The following DNAH12 variants were observed in gnomAD, a reference collection of about 807,000 sequenced individuals.
DNAH12 encodes the protein dynein axonemal heavy chain 12.
In DNAH12, 285 loss-of-function variants were observed where a neutral mutation model predicts 371.5. The ratio of observed to expected loss-of-function variants is 0.77; its 90% CI spans 0.70 to 0.85. DNAH12 has a LOEUF of 0.85. DNAH12 is among the 40% of genes least tolerant of loss of function. The probability of loss-of-function intolerance (pLI) is 0.00; values close to 1 mark genes in which losing one functional copy is unlikely to be tolerated. For synonymous variants in DNAH12, 1,200 were observed against 1,213.0 expected (o/e 0.99, Z 0.22); for missense variants, 3,611 against 3,689.4 (o/e 0.98, Z 0.55).
At chr3:57,458,980 T>A (rs1356921230) in intron 20 of DNAH12, among the ~76,000 whole-genome samples, 3 of 152,218 alleles carry the variant, frequency 2.0e-5, no homozygotes, top group African/African-American at 7.2e-5. Context: ...TGACTCTCAG[T>A]AAGTCCAGCA....
At chr3:57,531,178 C>T (rs1182399009) in intron 2 of DNAH12, among the ~76,000 whole-genome samples, 2 of 152,058 alleles carry the variant, frequency 1.3e-5, no homozygotes, top group African/African-American at 4.8e-5. Context: ...ATTGAAGTAC[C>T]TTCTTTAGCA....
chr3:57,456,708 C>T (rs965225743), intron 22 of DNAH12, among the ~76,000 whole-genome samples: 3 of 152,138 alleles, frequency 2.0e-5, no homozygotes, highest in Non-Finnish European at 4.4e-5. Context: ...GAAACATATC[C>T]ACTAGCCTAG....
intron 65 of DNAH12, among the ~76,000 whole-genome samples, chr3:57,320,559 C>G (rs932065368): frequency 6.6e-6 from 1 of 152,138 alleles, no homozygotes; most frequent in Admixed American, 6.5e-5. Flanking sequence ...TTAGCCTTAT[C>G]GAAAGGCATT....
upstream of DNAH12, among the ~76,000 whole-genome samples, chr3:57,545,072 C>T (rs2069457761): frequency 1.3e-5 from 2 of 150,020 alleles, no homozygotes; most frequent in South Asian, 2.1e-4. Flanking sequence ...GTCATTTAAG[C>T]GAGTGAATGA....
chr3:57,525,974 G>T (rs1202000177), intron 2 of DNAH12, among the ~76,000 whole-genome samples: 2 of 151,864 alleles, frequency 1.3e-5, no homozygotes, highest in African/African-American at 4.8e-5. Flanking sequence ...TTTTGGCCAG[G>T]CTGGTCTCAA....
intron 69 of DNAH12, among the ~76,000 whole-genome samples, chr3:57,305,159 CT>C (rs977958730): frequency 3.9e-5 from 6 of 152,174 alleles, no homozygotes; most frequent in African/African-American, 1.4e-4. Flanking sequence ...GGCAAACAGT[CT>C]GAGGTGCCTG....
chr3:57,402,404 T>G, intron 43 of DNAH12: 1 of 1,305,064 alleles, frequency 7.7e-7, no homozygotes. Flanking sequence ...CACTATCCTG[T>G]TGGTCACCGG....
chr3:57,413,910 G>A lies in DNAH12; in HGVS notation c.5856C>T (p.Asn1952=). 1 of 1,548,878 alleles carries A rather than the reference G, an allele frequency of 6.5e-7. No homozygotes were observed. Among genetic ancestry groups the A allele is most frequent in the Non-Finnish European group, 8.7e-7 (1 of 1,146,058 alleles). Residue 1952 remains asparagine, a splice_region_variant and synonymous_variant, in exon 39 of 74, where the codon AAC becomes AAT. Coordinates refer to ENST00000495027, the MANE Select transcript of DNAH12 (RefSeq NM_001366028.2). ...TTTTATCCAATCTAGCCATGATAAT[G>A]TTCTAAAATATGAAGGAAGAATGGT... The part of the protein sequence containing the change: ...SARTSANQVQ[N]IIMARLDKRR...
rs960274244 is a variant in DNAH12, at chr3:57,301,725, C to T, written c.11394+10G>A. The T allele has an allele frequency of 5.9e-6, 8 of 1,366,190 alleles. No individual in the cohort carries two copies. The highest frequency in any genetic ancestry group is 1.9e-4 in the Middle Eastern group (1 of 5,240). 84.6% of individuals were successfully genotyped at this position (1,366,190 alleles called of 1,614,324 possible). A position where few individuals can be genotyped will look rare whatever the true frequency, so the allele number is the denominator to read the frequency against. The stretch of plus-strand genomic sequence containing the variant: ...ACACACACACACACACACACACACA[C>T]ACATTTTACCTGTAAAAAGTTCAAC... On this transcript the variant is annotated intron_variant, in intron 70 of 73. Coordinates refer to ENST00000495027, the MANE Select transcript of DNAH12 (RefSeq NM_001366028.2).
At chr3:57,358,263 A>G (rs1263610576) in intron 58 of DNAH12, among the ~76,000 whole-genome samples, 1 of 152,172 alleles carries the variant, frequency 6.6e-6, no homozygotes, top group Non-Finnish European at 1.5e-5. Context: ...TTAGGAGTAA[A>G]AGGTAGTGGG....
At chr3:57,404,132 T>C (rs915911625) in intron 42 of DNAH12, among the ~76,000 whole-genome samples, 1 of 152,198 alleles carries the variant, frequency 6.6e-6, no homozygotes, top group Non-Finnish European at 1.5e-5. Flanking sequence ...TTCTCACACA[T>C]GTACCCAAGG....
chr3:57,375,693 A>G (rs1436158490), intron 54 of DNAH12, 125 bp downstream of exon 54: 1 of 152,128 alleles, frequency 6.6e-6, no homozygotes, highest in Non-Finnish European at 1.5e-5. Context: ...GAAGCAAAAA[A>G]AGAAAGACCC....
intron 60 of DNAH12, among the ~76,000 whole-genome samples, chr3:57,350,258 C>T (rs1177625537): frequency 4.6e-5 from 7 of 152,038 alleles, no homozygotes. Flanking sequence ...TAACCAAACA[C>T]CACCAGTTCC....
chr3:57,470,774 T>G, intron 15 of DNAH12, 138 bp from the exon 16 acceptor site: 1 of 718,384 alleles, frequency 1.4e-6, no homozygotes, highest in East Asian at 3.0e-5. Context: ...TGGCGTGATC[T>G]GGGCTCACTG....
At chr3:57,555,782 T>A in the DNAH12 span, among the ~76,000 whole-genome samples, 6 of 152,350 alleles carry the variant, frequency 3.9e-5, no homozygotes, top group South Asian at 1.2e-3. Flanking sequence ...CCACAAAGGC[T>A]CTGCTCAGAG....
At chr3:57,467,569 G>A (rs567361951) in intron 17 of DNAH12, among the ~76,000 whole-genome samples, 1 of 152,214 alleles carries the variant, frequency 6.6e-6, no homozygotes, top group Non-Finnish European at 1.5e-5. Flanking sequence ...TTTGGATTAT[G>A]CTGAATTAAT....
chr3:57,464,906 A>C (rs1278859418), intron 17 of DNAH12, among the ~76,000 whole-genome samples: 2 of 152,236 alleles, frequency 1.3e-5, no homozygotes, highest in Non-Finnish European at 2.9e-5. Context: ...ACTACAATCT[A>C]CCAAAATTAA....
intron 4 of DNAH12, among the ~76,000 whole-genome samples, chr3:57,516,648 G>T (rs985798402): frequency 6.6e-6 from 1 of 152,056 alleles, no homozygotes; most frequent in Non-Finnish European, 1.5e-5. Context: ...TTTCTCTCTA[G>T]CTCTATTGCT....
At chr3:57,531,556 G>A (rs1175868333) in intron 2 of DNAH12, among the ~76,000 whole-genome samples, 4 of 152,004 alleles carry the variant, frequency 2.6e-5, no homozygotes, top group Non-Finnish European at 4.4e-5. Flanking sequence ...GAGGTTAGGA[G>A]TTCGAGACCA....
Sources: allele counts gnomAD v4.1 joint callset (sites outside exome capture counted in the v4.1 genomes callset), GRCh38; gene constraint gnomAD v4.1.1; transcripts MANE v1.5; gene names NCBI Gene and HGNC (gene_info 2026-07-23, HGNC 2026-07-21).